Variants in LLGL2 observed in about 807,000 individuals in gnomAD.
LLGL2 encodes LLGL2, scribble cell polarity complex component.
A neutral mutation model predicts 123.2 loss-of-function variants in LLGL2; 81 were observed. The ratio of observed to expected loss-of-function variants is 0.66; its 90% CI spans 0.55 to 0.79. LLGL2 has a LOEUF of 0.79. Ranked by LOEUF, LLGL2 falls within the 30% of genes least tolerant of loss-of-function variation. The pLI is 0.00. For missense variants in LLGL2, 1,273 were observed against 1,414.6 expected (o/e 0.90, Z 1.61); for synonymous variants, 577 against 594.1 (o/e 0.97, Z 0.42).
At position 75,564,650 on chromosome 17, in the gene LLGL2, C is replaced by CT; in HGVS notation, c.1036+143_1036+144insT. Reference sequence around the variant, plus strand: ...GGCCAAGGTGGTAGGATCGCTTGAACCCAGGAGTTCAAGTCCAGCCTGGAC... The same window carrying CT: ...GGCCAAGGTGGTAGGATCGCTTGAACTCCAGGAGTTCAAGTCCAGCCTGGAC... On this transcript the variant is annotated intron_variant, in intron 10 of 25. Transcript: ENST00000392550. The surrounding 1 kb of genome is among the most constrained non-coding windows in gnomAD (Gnocchi z 4.9). 1 of 1,384,134 alleles carries CT rather than the reference C, an allele frequency of 7.2e-7. No individual in the cohort carries two copies. Among genetic ancestry groups the CT allele is most frequent in the Non-Finnish European group, 9.7e-7 (1 of 1,029,966 alleles). 85.7% of individuals were successfully genotyped at this position (1,384,134 alleles called of 1,614,324 possible). A position where few individuals can be genotyped will look rare whatever the true frequency, so the allele number is the denominator to read the frequency against.
At chr17:75,552,054 G>A (rs1353736341) in intron 2 of LLGL2, among the ~76,000 whole-genome samples, 4 of 151,744 alleles carry the variant, frequency 2.6e-5, no homozygotes, top group South Asian at 2.1e-4. Context: ...ATTTGAACCC[G>A]GGAGGTGGAG....
chr17:75,560,828 A>AC (rs2055181956), intron 6 of LLGL2, among the ~76,000 whole-genome samples: 4 of 117,764 alleles, frequency 3.4e-5, no homozygotes, highest in East Asian at 4.1e-4. Flanking sequence ...AAAAAAAAAA[A>AC]AAAACAAAGA....
At position 75,557,034 on chromosome 17, in the gene LLGL2, C is replaced by CTTTTT. The variant is rs55649536; in HGVS notation, c.173+912_173+916dup. 2.3e-3 allele frequency among the ~76,000 whole-genome samples: 256 copies of CTTTTT among 109,804 alleles called. 6 individuals are homozygous for CTTTTT. The highest frequency in any genetic ancestry group is 9.3e-3 in the African/African-American group (197 of 21,196). 72.0% of individuals were successfully genotyped at this position (109,804 alleles called of 152,430 possible). On this transcript the variant is annotated intron_variant, in intron 3 of 25. Coordinates refer to ENST00000392550, the MANE Select transcript of LLGL2 (RefSeq NM_001031803.2). Reference sequence around the variant, plus strand: ...ACAGAGTGAGACTCTGTCTCAAAAACTTTTTTTTTTTTTTTTTTTTTTTTT... The same window carrying CTTTTT: ...ACAGAGTGAGACTCTGTCTCAAAAACTTTTTTTTTTTTTTTTTTTTTTTTTTTTTT...
At chr17:75,528,276 C>T (rs1018386383) in intron 1 of LLGL2, among the ~76,000 whole-genome samples, 31 of 151,930 alleles carry the variant, frequency 2.0e-4, no homozygotes, top group African/African-American at 7.5e-4. Flanking sequence ...CCATCACGCC[C>T]GGCTAATTTT....
intron 24 of LLGL2, 45 bp from the exon 25 acceptor site, chr17:75,574,565 G>A: frequency 6.2e-7 from 1 of 1,605,042 alleles, no homozygotes; most frequent in Non-Finnish European, 8.5e-7. Flanking sequence ...AGCGCTGAGA[G>A]TGGAGGTCCC....
chr17:75,560,799 TATTAAAA>T (rs2055169909), intron 6 of LLGL2, among the ~76,000 whole-genome samples: 2 of 86,634 alleles, frequency 2.3e-5, no homozygotes, highest in African/African-American at 9.8e-5. Context: ...TTTGTTTATT[TATTAAAA>T]AAAAAAAAAA....
chr17:75,543,269 G>GCTGGA, intron 1 of LLGL2, 128 bp from the exon 2 acceptor site: 1 of 578,988 alleles, frequency 1.7e-6, no homozygotes, highest in East Asian at 3.1e-5. Flanking sequence ...TCACTGTGAA[G>GCTGGA]CTGGCCTGGC....
At chr17:75,573,780 C>T (rs553870961) in intron 21 of LLGL2, 149 bp downstream of exon 21, 397 of 1,206,438 alleles carry the variant, frequency 3.3e-4, no homozygotes, top group Middle Eastern at 4.1e-4. Context: ...TGCCTCTTTG[C>T]GTGCCCCTTG....
At chr17:75,566,814 C>T (rs1033380354) in intron 10 of LLGL2, among the ~76,000 whole-genome samples, 2 of 152,106 alleles carry the variant, frequency 1.3e-5, no homozygotes, top group Non-Finnish European at 2.9e-5. Context: ...AGTCTGAGGA[C>T]TTAATGTCTC....
rs959407705 is a variant in LLGL2, at chr17:75,568,484, G to A, written c.1045G>A (p.Asp349Asn). ...CTTGCCCTGTACCCCAGCCTTTGACGACCCCTATGCCCTGGTGGTGCTGGC... is the reference window on the plus strand; with the variant it reads ...CTTGCCCTGTACCCCAGCCTTTGACAACCCCTATGCCCTGGTGGTGCTGGC... Reference protein sequence around the residue: ...TEADPAATFDDPYALVVLAEE... With the variant: ...TEADPAATFDNPYALVVLAEE... The change falls in exon 11 of 26, where the codon GAC becomes AAC. Residue 349 changes from aspartate to asparagine, a missense_variant. Physicochemically the swap from Asp to Asn is conservative, Grantham distance 23. Coordinates refer to ENST00000392550, the MANE Select transcript of LLGL2 (RefSeq NM_001031803.2). 5 of 1,612,130 alleles carry A rather than the reference G, an allele frequency of 3.1e-6. No individual in the cohort carries two copies. The highest frequency in any genetic ancestry group is 1.7e-5 in the Admixed American group (1 of 59,970).
chr17:75,555,392 T>G (rs373790900), intron 2 of LLGL2, among the ~76,000 whole-genome samples: 1 of 151,674 alleles, frequency 6.6e-6, no homozygotes, highest in Non-Finnish European at 1.5e-5. Flanking sequence ...TTTTTGTTCT[T>G]AAACATCTTT....
Position 75,572,033 on chromosome 17 carries a change from A to G in LLGL2, c.2429A>G (p.Gln810Arg). The stretch of plus-strand genomic sequence containing the variant: ...AGCCCTGACATGCAGGGAAGCCACC[A>G]GCTGCTCGTCGTATCAGAGGAGCAG... ...SKSPDMQGSHQLLVVSEEQFK... is the reference protein window; with the variant it reads ...SKSPDMQGSHRLLVVSEEQFK... Residue 810 changes from glutamine to arginine, a missense_variant, in exon 19 of 26, where the codon CAG (glutamine) becomes CGG (arginine). By Grantham distance (43) the Gln-to-Arg change is conservative. Coordinates refer to ENST00000392550, the MANE Select transcript of LLGL2 (RefSeq NM_001031803.2). 6.2e-7 allele frequency: 1 copy of G among 1,612,382 alleles called. No individual in the cohort carries two copies.
At chr17:75,545,403 G>A (rs1215780123) in intron 2 of LLGL2, among the ~76,000 whole-genome samples, 1 of 152,204 alleles carries the variant, frequency 6.6e-6, no homozygotes, top group Non-Finnish European at 1.5e-5. Context: ...CACTTTTACA[G>A]TCTGCAGGAG....
At chr17:75,566,924 A>G (rs1456164265) in intron 10 of LLGL2, among the ~76,000 whole-genome samples, 2 of 152,194 alleles carry the variant, frequency 1.3e-5, no homozygotes, top group Non-Finnish European at 2.9e-5. Flanking sequence ...ATTTGGAGTC[A>G]TCCACGCAGA....
chr17:75,530,902 C>A (rs1322689552), intron 1 of LLGL2, among the ~76,000 whole-genome samples: 3 of 152,170 alleles, frequency 2.0e-5, no homozygotes, highest in Admixed American at 2.0e-4. Context: ...GCGGCTTCTC[C>A]TAAATGGACC....
chr17:75,561,686 G>A (rs766057821), intron 6 of LLGL2, among the ~76,000 whole-genome samples: 15 of 152,058 alleles, frequency 9.9e-5, no homozygotes, highest in African/African-American at 2.9e-4. Context: ...TTTGGGAGGC[G>A]GAGGCGGGTG....
At chr17:75,528,031 C>T (rs1333310571) in intron 1 of LLGL2, among the ~76,000 whole-genome samples, 4 of 152,132 alleles carry the variant, frequency 2.6e-5, no homozygotes, top group African/African-American at 9.7e-5. Context: ...TCAAGTGATC[C>T]TCCTGCCTCC....
intron 1 of LLGL2, among the ~76,000 whole-genome samples, chr17:75,532,060 A>ACACACACACACACC: frequency 8.0e-6 from 1 of 124,874 alleles, no homozygotes; most frequent in African/African-American, 2.8e-5. Context: ...ATATATACAC[A>ACACACACACACACC]CACACACACA....
intron 1 of LLGL2, among the ~76,000 whole-genome samples, chr17:75,530,832 A>AG (rs1482111452): frequency 1.3e-5 from 2 of 152,126 alleles, no homozygotes; most frequent in Non-Finnish European, 2.9e-5. Flanking sequence ...AAAAGTCTCT[A>AG]GGGGTCAGAA....
Sources: allele counts gnomAD v4.1 joint callset (sites outside exome capture counted in the v4.1 genomes callset), GRCh38; gene constraint gnomAD v4.1.1; non-coding constraint Gnocchi (gnomAD v3.1); transcripts MANE v1.5; gene names NCBI Gene and HGNC (gene_info 2026-07-23, HGNC 2026-07-21).